ENTPD6: variants seen among roughly 807,000 people sequenced by gnomAD.
The protein encoded by ENTPD6 is CD39 antigen-like 2.
ENTPD6 carries 46 observed loss-of-function variants against 61.5 expected under a neutral mutation model. That is an observed-to-expected ratio of 0.75 (90% confidence interval 0.59 to 0.96). The LOEUF is 0.96. Ranked by LOEUF, ENTPD6 falls within the 40% of genes least tolerant of loss-of-function variation. The pLI, the probability that ENTPD6 is intolerant of heterozygous loss-of-function variation, is 0.00. For missense variants in ENTPD6, 612 were observed against 629.0 expected (o/e 0.97, Z 0.29); for synonymous variants, 252 against 255.5 (o/e 0.99, Z 0.13).
chr20:25,207,388 C>T lies in ENTPD6; in HGVS notation c.367C>T (p.Pro123Ser). Residue 123 changes from proline to serine, a missense_variant, in exon 3 of 15, where the codon CCC becomes TCC. Transcript: ENST00000376652. ...TRVHVFQFTR[P>S]PRETPTLTHE... The stretch of plus-strand genomic sequence containing the variant: ...AGTACACGTCTTCCAGTTCACCCGG[C>T]CCCCCAGAGGTACCCGCCTCTCATG... The T allele has an allele frequency of 6.5e-7, 1 of 1,533,486 alleles. No individual in the cohort carries two copies. The highest frequency in any genetic ancestry group is 8.8e-7 in the Non-Finnish European group (1 of 1,136,108). 95.0% of individuals were successfully genotyped at this position (1,533,486 alleles called of 1,614,324 possible).
At chr20:25,216,620 T>G (rs373324723) in intron 7 of ENTPD6, 28 bp from the exon 8 acceptor site, 2 of 1,552,350 alleles carry the variant, frequency 1.3e-6, no homozygotes, top group Non-Finnish European at 1.8e-6. Flanking sequence ...CTAATGCCCC[T>G]GTGCTGTTTT....
intron 1 of ENTPD6, among the ~76,000 whole-genome samples, chr20:25,198,152 T>C (rs2090673085): frequency 6.6e-6 from 1 of 152,150 alleles, no homozygotes; most frequent in African/African-American, 2.4e-5. Flanking sequence ...ATGTAGAATA[T>C]GGTTCTTAGA....
chr20:25,212,062 G>C (rs545711186), intron 4 of ENTPD6, among the ~76,000 whole-genome samples: 1 of 152,060 alleles, frequency 6.6e-6, no homozygotes, highest in Non-Finnish European at 1.5e-5. Context: ...CTGCCACCTC[G>C]GCCTCCCAAG....
chr20:25,201,619 C>T (rs2091037793), intron 1 of ENTPD6, among the ~76,000 whole-genome samples: 1 of 152,182 alleles, frequency 6.6e-6, no homozygotes, highest in Non-Finnish European at 1.5e-5. Context: ...TGACTCTTTT[C>T]CATTCTTTTA....
intron 1 of ENTPD6, among the ~76,000 whole-genome samples, chr20:25,198,516 T>A (rs1185264002): frequency 6.6e-6 from 1 of 152,150 alleles, no homozygotes; most frequent in Non-Finnish European, 1.5e-5. Context: ...TAAAGAGGAT[T>A]TTATTAAACG....
intron 1 of ENTPD6, among the ~76,000 whole-genome samples, chr20:25,196,617 CCTT>C (rs1256071891): frequency 6.6e-6 from 1 of 152,176 alleles, no homozygotes; most frequent in Non-Finnish European, 1.5e-5. Context: ...TGTATTCCAG[CCTT>C]ACCTGCGCGA....
intron 4 of ENTPD6, among the ~76,000 whole-genome samples, chr20:25,212,117 T>C (rs2092005686): frequency 6.6e-6 from 1 of 152,166 alleles, no homozygotes; most frequent in African/African-American, 2.4e-5. Context: ...AACGTGTTTT[T>C]CCCTTGGACA....
chr20:25,222,946 A>T lies in ENTPD6; in HGVS notation c.1154A>T (p.Tyr385Phe). ...KHVDFYAFSY[Y>F]YDLAAGVGLI... ...GTGGACTTCTATGCTTTCTCCTACT[A>T]TTACGACCTTGCAGCTGGTGTGGGC... is the stretch of plus-strand genomic sequence containing the variant. Residue 385 changes from tyrosine to phenylalanine, a missense_variant, in exon 12 of 15, where the codon TAT becomes TTT. By Grantham distance (22) the Tyr-to-Phe change is conservative. Transcript: ENST00000376652. 1 of 1,581,892 alleles carries T rather than the reference A, an allele frequency of 6.3e-7. No homozygotes were observed. Among genetic ancestry groups the T allele is most frequent in the Non-Finnish European group, 8.6e-7 (1 of 1,160,410 alleles).
rs2092783137 is a variant in ENTPD6, at chr20:25,225,848, G to A, written c.*251G>A. On this transcript the variant is annotated 3_prime_UTR_variant, in exon 15 of 15. Transcript: ENST00000376652. The stretch of plus-strand genomic sequence containing the variant: ...GTCTGCCTGGGCTCCAAGTGGGCAG[G>A]ACCAGGACAGAACCACAGGCACACA... 8.4e-6 allele frequency: 4 copies of A among 478,700 alleles called. No individual in the cohort carries two copies. The highest frequency in any genetic ancestry group is 5.5e-5 in the South Asian group (2 of 36,390). 29.7% of individuals were successfully genotyped at this position (478,700 alleles called of 1,614,324 possible). A position where few individuals can be genotyped will look rare whatever the true frequency, so the allele number is the denominator to read the frequency against.
chr20:25,222,859 G>T lies in ENTPD6; in HGVS notation c.1067G>T (p.Cys356Phe). ...CCAGCGGCAAGCCTGCACGAGCTGTGTGCTGCCAGAGTGTCAGAGGTCCTT... is the reference window on the plus strand; with the variant it reads ...CCAGCGGCAAGCCTGCACGAGCTGTTTGCTGCCAGAGTGTCAGAGGTCCTT... ...QKAAASLHELCAARVSEVLQN... is the reference protein window; with the variant it reads ...QKAAASLHELFAARVSEVLQN... The change falls in exon 12 of 15, where the codon TGT (cysteine) becomes TTT (phenylalanine). Residue 356 changes from cysteine to phenylalanine, a missense_variant. Transcript: ENST00000376652. The T allele has an allele frequency of 6.2e-7, 1 of 1,614,076 alleles. No individual in the cohort carries two copies. Among genetic ancestry groups the T allele is most frequent in the Non-Finnish European group, 8.5e-7 (1 of 1,180,028 alleles).
intron 1 of ENTPD6, among the ~76,000 whole-genome samples, chr20:25,205,352 C>T (rs1401363842): frequency 1.3e-5 from 2 of 152,222 alleles, no homozygotes; most frequent in East Asian, 1.9e-4. Context: ...AATGAAGACA[C>T]GGTGCCAGTG....
At chr20:25,196,221 G>C (rs562320895) in intron 1 of ENTPD6, 1 of 1,156,382 alleles carries the variant, frequency 8.6e-7, no homozygotes, top group African/African-American at 1.6e-5. Context: ...TGAGCCCGGC[G>C]GGGAAGCTTC....
chr20:25,207,168 G>A lies in ENTPD6; in HGVS notation c.147G>A (p.Leu49=), dbSNP rs745570515. The part of the protein sequence containing the change: ...RVAKVAYPLG[L]CVGVFIYVAY... Reference sequence around the variant, plus strand: ...CGAAGGTGGCATACCCCCTGGGGCTGTGTGTGGGCGTGTTCATCTATGTTG... The same window carrying A: ...CGAAGGTGGCATACCCCCTGGGGCTATGTGTGGGCGTGTTCATCTATGTTG... Residue 49 remains leucine (L), a synonymous_variant, in exon 3 of 15, where the codon CTG becomes CTA. Transcript: ENST00000376652. 6.2e-6 allele frequency: 10 copies of A among 1,614,112 alleles called. No homozygotes were observed. In the South Asian group the frequency reaches 6.6e-5, roughly 11 times the overall value.
chr20:25,207,016 ACT>A, intron 2 of ENTPD6, 58 bp from the exon 3 acceptor site: 1 of 1,474,908 alleles, frequency 6.8e-7, no homozygotes, highest in Non-Finnish European at 9.2e-7. Context: ...GGGACGTCTG[ACT>A]CTCCTTGGAT....
chr20:25,216,748 T>C lies in ENTPD6; in HGVS notation c.798+12T>C. ...TGCCACGCGTGGAGGTAACAAGCCC[T>C]GCCGACCACAGCGCTCTTTCCACCC... is the stretch of plus-strand genomic sequence containing the variant. On this transcript the variant is annotated intron_variant, in intron 8 of 14. Transcript: ENST00000376652. The C allele has an allele frequency of 6.7e-7, 1 of 1,496,164 alleles. No homozygotes were observed. The highest frequency in any genetic ancestry group is 9.0e-7 in the Non-Finnish European group (1 of 1,110,060). 92.7% of individuals were successfully genotyped at this position (1,496,164 alleles called of 1,614,324 possible).
chr20:25,207,097 C>A lies in ENTPD6; in HGVS notation c.76C>A (p.Gln26Lys). The A allele has an allele frequency of 6.2e-7, 1 of 1,612,086 alleles. No individual in the cohort carries two copies. Among genetic ancestry groups the A allele is most frequent in the Non-Finnish European group, 8.5e-7 (1 of 1,178,536 alleles). ...IFQQPQHGPW[Q>K]TRMRKISNHG... is the part of the protein sequence containing the mutation. ...CCAGCAGCCGCAGCACGGTCCTTGG[C>A]AAACAAGGATGAGAAAAATATCCAA... The change falls in exon 3 of 15, where the codon CAA becomes AAA. Residue 26 changes from glutamine (Q) to lysine (K), a missense_variant. Transcript: ENST00000376652.
intron 4 of ENTPD6, among the ~76,000 whole-genome samples, chr20:25,210,739 C>T (rs1285331825): frequency 1.3e-5 from 2 of 151,984 alleles, no homozygotes; most frequent in African/African-American, 4.8e-5. Context: ...GTCAGGAGTT[C>T]GAGACCAAGC....
intron 3 of ENTPD6, among the ~76,000 whole-genome samples, chr20:25,207,885 G>T (rs1300343054): frequency 6.6e-6 from 1 of 152,236 alleles, no homozygotes; most frequent in African/African-American, 2.4e-5. Context: ...GCTGGAGCCT[G>T]GGCTTCGTTG....
rs778793439 is a variant in ENTPD6 at position 25,207,063 on chromosome 20, C to A, written c.55-13C>A. On this transcript the variant is annotated splice_polypyrimidine_tract_variant and intron_variant, in intron 2 of 14. Transcript: ENST00000376652. ...CTAACGTGCTTTTCCTGCCTCTCCC[C>A]CCTTCCCACCAGCAGCCGCAGCACG... 6.3e-7 allele frequency: 1 copy of A among 1,589,976 alleles called. No homozygotes were observed. Among genetic ancestry groups the A allele is most frequent in the Non-Finnish European group, 8.6e-7 (1 of 1,163,214 alleles).
Sources: gnomAD v4.1 joint callset for allele counts (sites outside exome capture counted in the v4.1 genomes callset) on GRCh38, gnomAD v4.1.1 for gene constraint, MANE v1.5 for transcripts, NCBI Gene and HGNC (gene_info 2026-07-23, HGNC 2026-07-21) for gene names.